Variants in ABCA13 observed in about 807,000 individuals in gnomAD.
ABCA13 encodes the protein ATP binding cassette subfamily A member 13.
In ABCA13, 476 loss-of-function variants were observed where a neutral mutation model predicts 478.7. The ratio of observed to expected loss-of-function variants is 0.99; its 90% confidence interval spans 0.92 to 1.07. The LOEUF (loss-of-function observed/expected upper bound fraction) is 1.07, where lower values mean the gene tolerates loss of function less well. ABCA13 is among the 50% of genes least tolerant of loss of function. The pLI is 0.00. For synonymous variants in ABCA13, 2,252 were observed against 2,158.9 expected (o/e 1.04, Z -1.20); for missense variants, 6,060 against 5,910.6 (o/e 1.03, Z -0.83).
chr7:48,329,633 C>G (rs1369653116), intron 27 of ABCA13, among the ~76,000 whole-genome samples: 2 of 151,896 alleles, frequency 1.3e-5, no homozygotes, highest in African/African-American at 4.8e-5. Flanking sequence ...ATCCATCCAT[C>G]CATGCATCCA....
chr7:48,245,938 A>G lies in ABCA13; in HGVS notation c.1567A>G (p.Ser523Gly). 3.1e-6 allele frequency: 5 copies of G among 1,613,786 alleles called. No individual in the cohort carries two copies. Among genetic ancestry groups the G allele is most frequent in the Non-Finnish European group, 4.2e-6 (5 of 1,179,810 alleles). ...GGTCTTTTTGCCGCCTGGAAACTCCAGCATATGGGGTGGTCTCCAGGGACT... is the reference window on the plus strand; with the variant it reads ...GGTCTTTTTGCCGCCTGGAAACTCCGGCATATGGGGTGGTCTCCAGGGACT... ...KEVFLPPGNS[S>G]IWGGLQGLLC... Residue 523 changes from serine (S) to glycine (G), a missense_variant, in exon 13 of 62, where the codon AGC becomes GGC. Coordinates refer to ENST00000435803, the MANE Select transcript of ABCA13 (RefSeq NM_152701.5).
At chr7:48,313,280 C>G in intron 25 of ABCA13, 49 bp downstream of exon 25, 1 of 1,541,372 alleles carries the variant, frequency 6.5e-7, no homozygotes, top group Non-Finnish European at 8.8e-7. Context: ...TTTGCCCCTT[C>G]TTTGTATTTG....
chr7:48,241,110 A>C (rs200410190), intron 10 of ABCA13, 44 bp downstream of exon 10: 4 of 1,603,762 alleles, frequency 2.5e-6, no homozygotes, highest in Non-Finnish European at 3.4e-6. Flanking sequence ...GGTAGATGAC[A>C]CAGAATGTTA....
chr7:48,537,869 TG>T (rs1367020987), intron 55 of ABCA13, among the ~76,000 whole-genome samples: 1 of 151,808 alleles, frequency 6.6e-6, no homozygotes, highest in Non-Finnish European at 1.5e-5. Flanking sequence ...TTACAACTGG[TG>T]GGGAGGTTGT....
chr7:48,327,690 T>C (rs1804549655), intron 27 of ABCA13, among the ~76,000 whole-genome samples: 1 of 152,234 alleles, frequency 6.6e-6, no homozygotes, highest in Non-Finnish European at 1.5e-5. Context: ...TTATTTTCAT[T>C]GGCCATATTT....
At chr7:48,430,190 T>A (rs538309073) in intron 42 of ABCA13, among the ~76,000 whole-genome samples, 41 of 152,326 alleles carry the variant, frequency 2.7e-4, no homozygotes, top group Non-Finnish European at 4.9e-4. Flanking sequence ...GTAGGTTTTT[T>A]AATTATGATT....
At position 48,410,631 on chromosome 7, in the gene ABCA13, T is replaced by G; in HGVS notation, c.12182T>G (p.Leu4061Arg). 3 of 1,614,038 alleles carry G rather than the reference T, an allele frequency of 1.9e-6. No homozygotes were observed. Among genetic ancestry groups the G allele is most frequent in the Non-Finnish European group, 2.5e-6 (3 of 1,179,882 alleles). ...AGGTGCTGCGGTCCTCCCTTCTGCCTGAAGGAGGCATATGGCCAGGGGCTC... is the reference window on the plus strand; with the variant it reads ...AGGTGCTGCGGTCCTCCCTTCTGCCGGAAGGAGGCATATGGCCAGGGGCTC... ...RLRCCGPPFC[L>R]KEAYGQGLRL... The change falls in exon 40 of 62, where the codon CTG (leucine) becomes CGG (arginine). Residue 4061 changes from leucine (L) to arginine (R), a missense_variant. This residue lies in a region of ABCA13 where 1,627 missense variants were observed against 1,571.0 expected (regional missense o/e 1.04). Transcript: ENST00000435803.
intron 31 of ABCA13, among the ~76,000 whole-genome samples, chr7:48,365,764 T>A (rs1045718005): frequency 6.6e-6 from 1 of 152,198 alleles, no homozygotes; most frequent in Non-Finnish European, 1.5e-5. Flanking sequence ...TTATTCTGTT[T>A]CATTGGTTTA....
intron 38 of ABCA13, among the ~76,000 whole-genome samples, chr7:48,400,273 T>A (rs1287675520): frequency 6.6e-6 from 1 of 152,226 alleles, no homozygotes; most frequent in East Asian, 1.9e-4. Flanking sequence ...GATTTATTTC[T>A]CTAGCCCTAG....
chr7:48,487,445 C>T (rs1411792654), intron 47 of ABCA13, among the ~76,000 whole-genome samples: 1 of 151,910 alleles, frequency 6.6e-6, no homozygotes, highest in African/African-American at 2.4e-5. Flanking sequence ...CAAAGAAGCT[C>T]TGTTTTTGTT....
At chr7:48,244,854 T>C (rs1291035841) in intron 11 of ABCA13, among the ~76,000 whole-genome samples, 151 bp downstream of exon 11, 1 of 152,194 alleles carries the variant, frequency 6.6e-6, no homozygotes, top group Non-Finnish European at 1.5e-5. Flanking sequence ...CTCTGATGCC[T>C]TCTAGGGGAT....
intron 41 of ABCA13, among the ~76,000 whole-genome samples, chr7:48,419,677 C>A (rs1344643326): frequency 6.6e-6 from 1 of 152,204 alleles, no homozygotes; most frequent in African/African-American, 2.4e-5. Flanking sequence ...AGATGTAGTA[C>A]ATGTTTCTTC....
Position 48,279,408 on chromosome 7 carries a change from G to C in ABCA13, c.8214G>C (p.Val2738=). The change falls in exon 18 of 62, where the codon GTG becomes GTC. Residue 2738 remains valine, a synonymous_variant. Transcript: ENST00000435803. ...STEIGSFLKM[V]ICLTLEALWK... ...AAATAGGATCTTTCTTGAAAATGGT[G>C]ATCTGTCTCACCTTAGAAGCTCTTT... 1 of 1,601,570 alleles carries C rather than the reference G, an allele frequency of 6.2e-7. No individual in the cohort carries two copies.
At chr7:48,239,171 GTTAT>G (rs1790423161) in intron 8 of ABCA13, 66 bp from the exon 9 acceptor site, 7 of 1,522,978 alleles carry the variant, frequency 4.6e-6, no homozygotes, top group South Asian at 1.2e-5. Flanking sequence ...AGATCGTGGT[GTTAT>G]TTTTAGAAGA....
In ABCA13 at chr7:48,313,223, T is replaced by A; in HGVS notation, c.9673T>A (p.Phe3225Ile). The A allele has an allele frequency of 6.2e-7, 1 of 1,609,484 alleles. No homozygotes were observed. The highest frequency in any genetic ancestry group is 8.5e-7 in the Non-Finnish European group (1 of 1,177,694). Residue 3225 changes from phenylalanine to isoleucine, a missense_variant, in exon 25 of 62, where the codon TTT becomes ATT. Around this residue, in one of 3 missense-constraint regions of ABCA13, gnomAD observed 4,423 missense variants for 4,309.1 expected, o/e 1.03. Transcript: ENST00000435803. ...CACTGCCTTGCTAGAAACCCTGGAC[T>A]TTCAACAGGTGTGTGTTTCATCTTT... ...KITALLETLDFQQVSQNVQAR... is the reference protein window; with the variant it reads ...KITALLETLDIQQVSQNVQAR...
In ABCA13 at chr7:48,389,175, T is replaced by C; in HGVS notation, c.11609T>C (p.Ile3870Thr). 3 of 1,613,950 alleles carry C rather than the reference T, an allele frequency of 1.9e-6. No homozygotes were observed. The highest frequency in any genetic ancestry group is 2.5e-6 in the Non-Finnish European group (3 of 1,179,850). Residue 3870 changes from isoleucine (I) to threonine (T), a missense_variant, in exon 37 of 62, where the codon ATC becomes ACC. Physicochemically the swap from Ile to Thr is moderately conservative, Grantham distance 89 (BLOSUM62 -1). Transcript: ENST00000435803. ...DLSLTFYRDQ[I>T]TALLGTNGAG... ...AGCCTGACCTTCTACAGAGACCAAA[T>C]CACCGCCCTGCTGGGGACAAACGGT...
chr7:48,352,096 C>A, intron 30 of ABCA13, 85 bp from the exon 31 acceptor site: 2 of 1,382,130 alleles, frequency 1.4e-6, no homozygotes, highest in Non-Finnish European at 2.0e-6. Context: ...GCTCCTGCAA[C>A]TTTTCCTGTC....
chr7:48,174,302 C>T lies in ABCA13; in HGVS notation c.69+2750C>T, dbSNP rs911783828. On this transcript the variant is annotated intron_variant, in intron 1 of 61. Transcript: ENST00000435803. ...TTTTTACATTTACTGTTTTTTTTAG[C>T]TTTTTTTTTAAATTGATGCATAATA... Among the ~76,000 whole-genome samples the T allele has an allele frequency of 2.8e-4, 42 of 150,748 alleles. 1 individual carries two copies. The highest frequency in any genetic ancestry group is 9.2e-4 in the African/African-American group (38 of 41,096).
chr7:48,424,050 A>G (rs1042135024), intron 41 of ABCA13, among the ~76,000 whole-genome samples: 1 of 152,228 alleles, frequency 6.6e-6, no homozygotes, highest in Non-Finnish European at 1.5e-5. Flanking sequence ...AAAGAGGAGG[A>G]AGACATATGT....
Sources: gnomAD v4.1 joint callset for allele counts (sites outside exome capture counted in the v4.1 genomes callset) on GRCh38, gnomAD v4.1.1 for gene constraint, gnomAD v4.1.1 regional missense constraint, MANE v1.5 for transcripts, NCBI Gene and HGNC (gene_info 2026-07-23, HGNC 2026-07-21) for gene names.